The following DNAH6 variants were observed in gnomAD, a reference collection of about 807,000 sequenced individuals.
DNAH6 encodes the protein axonemal beta dynein heavy chain 6.
Under a neutral mutation model 491.4 loss-of-function variants are expected in DNAH6, and 340 were observed. The observed-to-expected ratio is 0.69, with a 90% CI of 0.63 to 0.76. DNAH6 has a LOEUF of 0.76. Among genes scored for constraint, DNAH6 ranks in the 30% least tolerant of loss-of-function variants. The pLI is 0.00. For synonymous variants in DNAH6, 1,603 were observed against 1,686.1 expected (o/e 0.95, Z 1.21); for missense variants, 4,443 against 4,972.2 (o/e 0.89, Z 3.20).
chr2:84,787,289 AATTTAC>A lies in DNAH6; in HGVS notation c.11230_11235del (p.Tyr3744_Ile3745del). On this transcript the variant is annotated inframe_deletion, in exon 68 of 77. Coordinates refer to ENST00000389394, the MANE Select transcript of DNAH6 (RefSeq NM_001370.2). ...AAGGAAAGATTCCCTGGGATGCACTAATTTACATTACTGGTGAGTACGTCCTTGTGG... is the reference window on the plus strand; with the variant it reads ...AAGGAAAGATTCCCTGGGATGCACTAATTACTGGTGAGTACGTCCTTGTGG... The A allele has an allele frequency of 1.9e-6, 3 of 1,549,090 alleles. No homozygotes were observed. Among genetic ancestry groups the A allele is most frequent in the Non-Finnish European group, 2.6e-6 (3 of 1,145,924 alleles).
At chr2:84,501,220 G>A in the DNAH6 span, among the ~76,000 whole-genome samples, 1 of 151,988 alleles carries the variant, frequency 6.6e-6, no homozygotes, top group Non-Finnish European at 1.5e-5. Context: ...GTTTTTTGAG[G>A]GGTTTTATCA....
At position 84,659,091 on chromosome 2, in the gene DNAH6, T is replaced by C; in HGVS notation, c.6006T>C (p.Gly2002=). 6.6e-7 allele frequency: 1 copy of C among 1,511,238 alleles called. No individual in the cohort carries two copies. Among genetic ancestry groups the C allele is most frequent in the Non-Finnish European group, 9.0e-7 (1 of 1,114,688 alleles). The allele number at this position is 1,511,238 out of a possible 1,614,324, so 93.6% of individuals were successfully genotyped here. Reference sequence around the variant, plus strand: ...TATTCTGTTATTTGTGGTCTTTGGGTGGAAACCTAACTGAAAACTACTATG... The same window carrying C: ...TATTCTGTTATTTGTGGTCTTTGGGCGGAAACCTAACTGAAAACTACTATG... ...TFVFCYLWSL[G]GNLTENYYDS... is the part of the protein sequence containing the mutation. Residue 2002 remains glycine (G), a synonymous_variant, in exon 37 of 77, where the codon GGT becomes GGC. Coordinates refer to ENST00000389394, the MANE Select transcript of DNAH6 (RefSeq NM_001370.2).
the DNAH6 span, among the ~76,000 whole-genome samples, chr2:84,476,355 A>G: frequency 3.3e-5 from 5 of 152,318 alleles, no homozygotes; most frequent in East Asian, 9.6e-4. Flanking sequence ...CAATTGCTCC[A>G]GGTTTTAATG....
At chr2:84,695,785 T>A (rs1695325563) in intron 46 of DNAH6, among the ~76,000 whole-genome samples, 1 of 152,078 alleles carries the variant, frequency 6.6e-6, no homozygotes, top group African/African-American at 2.4e-5. Context: ...AAAATTAAGA[T>A]ATTTCTGATA....
chr2:84,493,053 G>A, the DNAH6 span, among the ~76,000 whole-genome samples: 2 of 151,766 alleles, frequency 1.3e-5, no homozygotes, highest in Admixed American at 1.3e-4. Context: ...TATAGCAGGG[G>A]TTGGGAAATC....
At chr2:84,732,593 T>C (rs1699214528) in intron 61 of DNAH6, among the ~76,000 whole-genome samples, 1 of 152,112 alleles carries the variant, frequency 6.6e-6, no homozygotes, top group African/African-American at 2.4e-5. Context: ...ATAGAGACAG[T>C]AAGTAGTTTA....
intron 11 of DNAH6, among the ~76,000 whole-genome samples, chr2:84,563,273 T>C (rs1680851136): frequency 6.6e-6 from 1 of 152,348 alleles, no homozygotes; most frequent in East Asian, 1.9e-4. Flanking sequence ...GGTCAAATGG[T>C]AGCTCTGTTT....
Position 84,715,543 on chromosome 2 carries a change from C to A in DNAH6, c.9544-17C>A. The stretch of plus-strand genomic sequence containing the variant: ...TTGCACTTAAGCATTTTTATGCACT[C>A]TGTGCTTCTCTTCCAGGTATGCATT... On this transcript the variant is annotated splice_polypyrimidine_tract_variant and intron_variant, in intron 57 of 76. Transcript: ENST00000389394. 6.4e-7 allele frequency: 1 copy of A among 1,550,894 alleles called. No homozygotes were observed. Among genetic ancestry groups the A allele is most frequent in the South Asian group, 1.2e-5 (1 of 83,962 alleles).
At chr2:84,723,489 TAA>T (rs1313717771) in intron 60 of DNAH6, among the ~76,000 whole-genome samples, 2 of 152,206 alleles carry the variant, frequency 1.3e-5, no homozygotes, top group Non-Finnish European at 1.5e-5. Context: ...CTCTCTTTTT[TAA>T]GAGTCACAGC....
rs544990157 is a variant in DNAH6, at chr2:84,681,784, C to T, written c.6916+256C>T. Among the ~76,000 whole-genome samples, 169 of 152,062 alleles carry T rather than the reference C, an allele frequency of 1.1e-3. 1 individual carries two copies. The highest frequency in any genetic ancestry group is 3.8e-3 in the African/African-American group (158 of 41,454). ...AGAAGCAGTTGGACCAGAGCTGCCT[C>T]ATCTTCTAAATCTCCCAGACAACTT... On this transcript the variant is annotated intron_variant, in intron 42 of 76. Coordinates refer to ENST00000389394, the MANE Select transcript of DNAH6 (RefSeq NM_001370.2).
chr2:84,461,993 G>C, the DNAH6 span, among the ~76,000 whole-genome samples: 5 of 152,156 alleles, frequency 3.3e-5, no homozygotes, highest in Non-Finnish European at 7.3e-5. Context: ...TAAATCTCGG[G>C]ACCCCAAAGT....
chr2:84,801,263 GAAAAAGA>G (rs916326553), intron 70 of DNAH6, among the ~76,000 whole-genome samples: 24 of 118,702 alleles, frequency 2.0e-4, no homozygotes, highest in African/African-American at 7.2e-4. Flanking sequence ...AAAAGAAAAA[GAAAAAGA>G]AAAAAAAAAA....
chr2:84,720,267 C>CTT lies in DNAH6; in HGVS notation c.9792+1911_9792+1912dup, dbSNP rs56944137. On this transcript the variant is annotated intron_variant, in intron 59 of 76. Coordinates refer to ENST00000389394, the MANE Select transcript of DNAH6 (RefSeq NM_001370.2). ...GCCCTTCCCACTTCCAAGAGTGCTTCTTTTTTTTTTTTTTTTTTTTTTTTT... is the reference window on the plus strand; with the variant it reads ...GCCCTTCCCACTTCCAAGAGTGCTTCTTTTTTTTTTTTTTTTTTTTTTTTTTT... Among the ~76,000 whole-genome samples the CTT allele has an allele frequency of 5.9e-3, 292 of 49,536 alleles. 39 individuals are homozygous for CTT. Among genetic ancestry groups the CTT allele is most frequent in the Non-Finnish European group, 8.7e-3 (234 of 27,042 alleles). 32.5% of individuals were successfully genotyped at this position (49,536 alleles called of 152,430 possible).
chr2:84,496,245 A>G, the DNAH6 span, among the ~76,000 whole-genome samples: 1 of 152,298 alleles, frequency 6.6e-6, no homozygotes, highest in East Asian at 1.9e-4. Flanking sequence ...CTCCACTTTA[A>G]GCCTTCTTAT....
chr2:84,605,334 CAGAG>C (rs1685655498), intron 19 of DNAH6, among the ~76,000 whole-genome samples, 162 bp from the exon 20 acceptor site: 2 of 126,746 alleles, frequency 1.6e-5, no homozygotes, highest in African/African-American at 3.3e-5. Flanking sequence ...GCCTGGGTGA[CAGAG>C]TGAGACTCTA....
At chr2:84,639,655 A>T (rs1305770523) in intron 31 of DNAH6, among the ~76,000 whole-genome samples, 3 of 151,978 alleles carry the variant, frequency 2.0e-5, no homozygotes, top group Non-Finnish European at 4.4e-5. Context: ...CCTGACCTCA[A>T]GTGACTCACC....
At chr2:84,497,740 T>G in the DNAH6 span, among the ~76,000 whole-genome samples, 3 of 152,252 alleles carry the variant, frequency 2.0e-5, no homozygotes, top group African/African-American at 7.2e-5. Flanking sequence ...GTAGGCATAC[T>G]GTAATTTAGC....
chr2:84,647,001 C>A (rs1689963323), intron 33 of DNAH6, among the ~76,000 whole-genome samples: 1 of 152,142 alleles, frequency 6.6e-6, no homozygotes, highest in Admixed American at 6.5e-5. Context: ...GCACATGCCA[C>A]CACCCATGGC....
the DNAH6 span, among the ~76,000 whole-genome samples, chr2:84,475,673 C>T: frequency 1.3e-5 from 2 of 152,124 alleles, no homozygotes; most frequent in Admixed American, 1.3e-4. Context: ...TGAGTCTTCC[C>T]TCTCAGGGGT....
Sources: gnomAD v4.1 joint callset for allele counts (sites outside exome capture counted in the v4.1 genomes callset) on GRCh38, gnomAD v4.1.1 for gene constraint, MANE v1.5 for transcripts, NCBI Gene and HGNC (gene_info 2026-07-23, HGNC 2026-07-21) for gene names.